The following CDC42SE2 variants were observed in gnomAD, a reference collection of about 807,000 sequenced individuals.
The protein encoded by CDC42SE2 is CDC42 small effector protein 2.
Under a neutral mutation model 11.5 loss-of-function variants are expected in CDC42SE2, and 3 were observed. The observed-to-expected ratio is 0.26, with a 90% CI of 0.12 to 0.67. CDC42SE2 has a LOEUF of 0.67. Ranked by LOEUF, CDC42SE2 falls within the 30% of genes least tolerant of loss-of-function variation. The pLI is 0.80. For synonymous variants in CDC42SE2, 33 were observed against 34.8 expected (o/e 0.95, Z 0.18); for missense variants, 82 against 106.8 (o/e 0.77, Z 1.02).
intron 2 of CDC42SE2, among the ~76,000 whole-genome samples, chr5:131,354,459 A>C (rs991457470): frequency 6.6e-6 from 1 of 152,156 alleles, no homozygotes; most frequent in Admixed American, 6.6e-5. Flanking sequence ...CTTTAATTTT[A>C]TATGTATGTA....
rs1264667127 is a variant in CDC42SE2 at position 131,392,346 on chromosome 5, T to A, written c.*1255T>A. On this transcript the variant is annotated 3_prime_UTR_variant, in exon 5 of 5. Transcript: ENST00000505065. ...TTCAGCAGAATAGATATCTGCATGCTTTATGAAGTTGTTGCTTCGGTAAGA... is the reference window on the plus strand; with the variant it reads ...TTCAGCAGAATAGATATCTGCATGCATTATGAAGTTGTTGCTTCGGTAAGA... 6.5e-6 allele frequency: 1 copy of A among 152,758 alleles called. No homozygotes were observed. Among genetic ancestry groups the A allele is most frequent in the Non-Finnish European group, 1.5e-5 (1 of 68,038 alleles). 9.5% of individuals were successfully genotyped at this position (152,758 alleles called of 1,614,324 possible).
intron 2 of CDC42SE2, among the ~76,000 whole-genome samples, chr5:131,351,377 C>G (rs1759005885): frequency 6.6e-6 from 1 of 152,138 alleles, no homozygotes; most frequent in East Asian, 1.9e-4. Flanking sequence ...GCCTCAGCCT[C>G]TGGAGTAGCT....
chr5:131,300,462 A>G (rs957386172), intron 1 of CDC42SE2, among the ~76,000 whole-genome samples: 1 of 152,146 alleles, frequency 6.6e-6, no homozygotes, highest in Non-Finnish European at 1.5e-5. Flanking sequence ...CGAAACTGGA[A>G]CATATCAAGA....
chr5:131,273,014 G>T (rs1399938197), intron 1 of CDC42SE2, among the ~76,000 whole-genome samples: 1 of 151,776 alleles, frequency 6.6e-6, no homozygotes, highest in Non-Finnish European at 1.5e-5. Context: ...CCTTTTCATT[G>T]CCCCAACTTC....
intron 3 of CDC42SE2, among the ~76,000 whole-genome samples, chr5:131,373,556 C>T (rs1750069713): frequency 6.6e-6 from 1 of 152,144 alleles, no homozygotes; most frequent in African/African-American, 2.4e-5. Flanking sequence ...GTGAGCTCAC[C>T]ATCTGATCAC....
At chr5:131,297,721 AAAAT>A (rs148423106) in intron 1 of CDC42SE2, among the ~76,000 whole-genome samples, 10,223 of 151,906 alleles carry the variant, frequency 0.067, 645 homozygotes, top group African/African-American at 0.17. Context: ...CTCCATTTCA[AAAAT>A]AAATAAATAA....
the CDC42SE2 span, among the ~76,000 whole-genome samples, chr5:131,216,514 A>AAAAC: frequency 5.4e-5 from 8 of 149,250 alleles, no homozygotes; most frequent in Admixed American, 1.3e-4. Flanking sequence ...AAAAAAAAAA[A>AAAAC]AAAAAAAACA....
Position 131,273,366 on chromosome 5 carries a change from G to A in CDC42SE2, c.-455+9200G>A, listed in dbSNP as rs185227088. 5.0e-3 allele frequency among the ~76,000 whole-genome samples: 755 copies of A among 150,254 alleles called. 10 individuals carry two copies. Among genetic ancestry groups the A allele is most frequent in the African/African-American group, 0.018 (726 of 41,354 alleles). On this transcript the variant is annotated intron_variant, in intron 1 of 4. Coordinates refer to ENST00000505065, the MANE Select transcript of CDC42SE2 (RefSeq NM_001375635.1). ...AGATTGGGTTTCACCATGATGGCCA[G>A]GCTGGTCTCAAACTCTTGACTTCAA...
intron 2 of CDC42SE2, among the ~76,000 whole-genome samples, chr5:131,323,875 C>T (rs73786648): frequency 0.017 from 2,631 of 152,044 alleles, 77 homozygotes; most frequent in African/African-American, 0.06. Context: ...ATAAATTGTT[C>T]AAGAGCAAGA....
At chr5:131,337,952 G>A (rs1433762252) in intron 2 of CDC42SE2, among the ~76,000 whole-genome samples, 1 of 151,894 alleles carries the variant, frequency 6.6e-6, no homozygotes, top group African/African-American at 2.4e-5. Flanking sequence ...TTCCGCTCAC[G>A]CACAGTGCGC....
At chr5:131,350,344 A>T (rs978396923) in intron 2 of CDC42SE2, among the ~76,000 whole-genome samples, 1 of 151,916 alleles carries the variant, frequency 6.6e-6, no homozygotes, top group Non-Finnish European at 1.5e-5. Context: ...AAAAATACAA[A>T]AAAAAAGAAA....
At chr5:131,322,168 A>G (rs1390836318) in intron 2 of CDC42SE2, among the ~76,000 whole-genome samples, 1 of 152,088 alleles carries the variant, frequency 6.6e-6, no homozygotes, top group Non-Finnish European at 1.5e-5. Context: ...TTTTTTTTAT[A>G]GTAGTGGTAA....
At chr5:131,339,499 A>G (rs1758657622) in intron 2 of CDC42SE2, among the ~76,000 whole-genome samples, 1 of 152,040 alleles carries the variant, frequency 6.6e-6, no homozygotes, top group Admixed American at 6.6e-5. Flanking sequence ...GCCAAATAGA[A>G]CTTATTAAAA....
intron 2 of CDC42SE2, among the ~76,000 whole-genome samples, chr5:131,337,431 G>T (rs1213211406): frequency 6.6e-6 from 1 of 152,212 alleles, no homozygotes; most frequent in African/African-American, 2.4e-5. Context: ...CCTACTTGAG[G>T]AGGCAGTCTG....
intron 3 of CDC42SE2, among the ~76,000 whole-genome samples, chr5:131,376,062 A>C (rs1400440333): frequency 2.0e-5 from 3 of 151,990 alleles, no homozygotes; most frequent in African/African-American, 7.2e-5. Flanking sequence ...AACATGGTGA[A>C]ACCCATCTTT....
intron 2 of CDC42SE2, among the ~76,000 whole-genome samples, chr5:131,319,536 G>A (rs1305691518): frequency 6.6e-6 from 1 of 152,066 alleles, no homozygotes; most frequent in Non-Finnish European, 1.5e-5. Flanking sequence ...CCTTTGACAT[G>A]CAGTATTGTT....
At chr5:131,252,108 G>GGAAGGAAGGAAGGAAT (rs1554093503) in intron 1 of CDC42SE2, among the ~76,000 whole-genome samples, 2 of 150,064 alleles carry the variant, frequency 1.3e-5, no homozygotes, top group Non-Finnish European at 3.0e-5. Flanking sequence ...AAGGAAGGAA[G>GGAAGGAAGGAAGGAAT]GAATCATGTA....
At chr5:131,317,996 T>C (rs1388082865) in intron 2 of CDC42SE2, among the ~76,000 whole-genome samples, 1 of 152,096 alleles carries the variant, frequency 6.6e-6, no homozygotes, top group Non-Finnish European at 1.5e-5. Flanking sequence ...CCTAGGCCTA[T>C]GTGTTTGAGC....
the CDC42SE2 span, among the ~76,000 whole-genome samples, chr5:131,225,008 G>A: frequency 6.6e-6 from 1 of 152,050 alleles, no homozygotes; most frequent in East Asian, 1.9e-4. Flanking sequence ...AAGCAGCTAT[G>A]GTGGGCATGG....
Sources: allele counts gnomAD v4.1 joint callset (sites outside exome capture counted in the v4.1 genomes callset), GRCh38; gene constraint gnomAD v4.1.1; transcripts MANE v1.5; gene names NCBI Gene and HGNC (gene_info 2026-07-23, HGNC 2026-07-21).